ZZEF1: variants seen among roughly 807,000 people sequenced by gnomAD.
The protein encoded by ZZEF1 is zinc finger ZZ-type and EF-hand domain-containing protein 1.
In ZZEF1, 157 loss-of-function variants were observed where a neutral mutation model predicts 342.8. The ratio of observed to expected loss-of-function variants is 0.46; its 90% confidence interval spans 0.40 to 0.52. The LOEUF (loss-of-function observed/expected upper bound fraction) is 0.52, where lower values mean the gene tolerates loss of function less well. Among genes scored for constraint, ZZEF1 ranks in the 20% least tolerant of loss-of-function variants. The pLI is 0.00. For missense variants in ZZEF1, 3,480 were observed against 3,725.6 expected (o/e 0.93, Z 1.72); for synonymous variants, 1,505 against 1,429.1 (o/e 1.05, Z -1.20).
At chr17:4,032,308 G>C (rs773837550) in intron 41 of ZZEF1, 50 bp from the exon 42 acceptor site, 1 of 1,590,666 alleles carries the variant, frequency 6.3e-7, no homozygotes, top group Non-Finnish European at 8.5e-7. Context: ...ATGGAGACAA[G>C]AAAGAATTCT....
At position 4,123,893 on chromosome 17, in the gene ZZEF1, G is replaced by C. The variant is rs544659976; in HGVS notation, c.499+14C>G. On this transcript the variant is annotated intron_variant, in intron 2 of 54. Transcript: ENST00000381638. ...CACTTTGGTTCTAAGACAGCACCTA[G>C]ATGGAAGCCTCACCTGGAACCAGAG... 5 of 1,611,072 alleles carry C rather than the reference G, an allele frequency of 3.1e-6. No individual in the cohort carries two copies. The South Asian group carries it at 5.5e-5, about 18-fold the overall frequency.
intron 9 of ZZEF1, 78 bp from the exon 10 acceptor site, chr17:4,096,778 C>T: frequency 8.5e-7 from 1 of 1,180,740 alleles, no homozygotes; most frequent in Non-Finnish European, 1.3e-6. Flanking sequence ...AAAAACAAAC[C>T]ATATCCTTTG....
chr17:4,048,996 G>A (rs949764575), intron 37 of ZZEF1, among the ~76,000 whole-genome samples: 1 of 151,806 alleles, frequency 6.6e-6, no homozygotes, highest in Admixed American at 6.6e-5. Context: ...GGGATTACAG[G>A]CCACTGTGCC....
rs147535098 is a variant in ZZEF1, at chr17:4,034,700, G to A, written c.6307-408C>T. Among the ~76,000 whole-genome samples, 466 of 152,254 alleles carry A rather than the reference G, an allele frequency of 3.1e-3. 2 individuals carry two copies. Among genetic ancestry groups the A allele is most frequent in the African/African-American group, 0.01 (428 of 41,532 alleles). ...TTTCTATGCATATTTATTTACACAT[G>A]ATATATGTAAAATAGGCCAGGCATA... On this transcript the variant is annotated intron_variant, in intron 39 of 54. Coordinates refer to ENST00000381638, the MANE Select transcript of ZZEF1 (RefSeq NM_015113.4).
At chr17:4,084,156 A>G (rs1567826178) in intron 16 of ZZEF1, among the ~76,000 whole-genome samples, 4 of 152,120 alleles carry the variant, frequency 2.6e-5, no homozygotes, top group Non-Finnish European at 1.5e-5. Flanking sequence ...CATCAAATAC[A>G]TTGCTTATTG....
At chr17:4,109,205 G>A (rs1172909455) in intron 6 of ZZEF1, among the ~76,000 whole-genome samples, 1 of 152,182 alleles carries the variant, frequency 6.6e-6, no homozygotes, top group Non-Finnish European at 1.5e-5. Flanking sequence ...CACAACATCT[G>A]CGTCTATAAA....
At chr17:4,123,868 C>A in intron 2 of ZZEF1, 39 bp downstream of exon 2, 1 of 1,598,152 alleles carries the variant, frequency 6.3e-7, no homozygotes, top group South Asian at 1.1e-5. Flanking sequence ...TAGCAAAGTT[C>A]ACTTTGGTTC....
intron 5 of ZZEF1, among the ~76,000 whole-genome samples, chr17:4,111,350 T>A (rs571642903): frequency 1.3e-5 from 2 of 152,198 alleles, no homozygotes; most frequent in South Asian, 4.1e-4. Context: ...TTTTCCAATA[T>A]GAAAATGTGA....
At chr17:4,122,363 A>T (rs2058497114) in intron 2 of ZZEF1, among the ~76,000 whole-genome samples, 1 of 151,444 alleles carries the variant, frequency 6.6e-6, no homozygotes, top group African/African-American at 2.4e-5. Context: ...AAATACAAAA[A>T]CACAGGCCAT....
At chr17:4,065,090 G>A (rs1314561892) in intron 28 of ZZEF1, among the ~76,000 whole-genome samples, 1 of 152,114 alleles carries the variant, frequency 6.6e-6, no homozygotes, top group Non-Finnish European at 1.5e-5. Context: ...ACAATTTAGG[G>A]CAAGAGACAG....
At chr17:4,115,374 A>G (rs2058378068) in intron 3 of ZZEF1, among the ~76,000 whole-genome samples, 1 of 152,154 alleles carries the variant, frequency 6.6e-6, no homozygotes, top group Non-Finnish European at 1.5e-5. Flanking sequence ...TTAAAAATTA[A>G]GAAACTGGCC....
chr17:4,113,785 C>T (rs12453798), intron 4 of ZZEF1, among the ~76,000 whole-genome samples: 25,375 of 151,840 alleles, frequency 0.17, 2,175 homozygotes, highest in East Asian at 0.18. Context: ...GCCTGGGCAA[C>T]GTAGTGAGGC....
At chr17:4,123,848 A>G (rs797001948) in intron 2 of ZZEF1, 59 bp downstream of exon 2, 21 of 1,557,152 alleles carry the variant, frequency 1.3e-5, no homozygotes, top group African/African-American at 1.2e-4. Flanking sequence ...CCTAATTTCA[A>G]TCAGTAGTAT....
At position 4,076,637 on chromosome 17, in the gene ZZEF1, C is replaced by T. The variant is rs1195927038; in HGVS notation, c.3234G>A (p.Lys1078=). 6.2e-7 allele frequency: 1 copy of T among 1,607,258 alleles called. No homozygotes were observed. ...LCSGPEGGLR[K]LDVETWQQEQ... is the part of the protein sequence containing the mutation. Reference sequence around the variant, plus strand: ...CGGCTCAAGTGCTGACTCGAGTTACCTTCCTCAGTCCTCCTTCGGGGCCAC... The same window carrying T: ...CGGCTCAAGTGCTGACTCGAGTTACTTTCCTCAGTCCTCCTTCGGGGCCAC... The change falls in exon 21 of 55, where the codon AAG becomes AAA. Residue 1078 remains lysine (K), a splice_region_variant and synonymous_variant. Coordinates refer to ENST00000381638, the MANE Select transcript of ZZEF1 (RefSeq NM_015113.4).
rs1423214527 is a variant in ZZEF1, at chr17:4,087,365, C to T, written c.2342+69G>A. The T allele has an allele frequency of 5.4e-6, 7 of 1,290,854 alleles. No individual in the cohort carries two copies. In the African/African-American group the frequency reaches 9.1e-5, roughly 17 times the overall value. 80.0% of individuals were successfully genotyped at this position (1,290,854 alleles called of 1,614,324 possible). Reference sequence around the variant, plus strand: ...TAAAAAAAAAATTAGGAAAAAAATCCACTTAGAATAGTAAAACTCATTGTT... The same window carrying T: ...TAAAAAAAAAATTAGGAAAAAAATCTACTTAGAATAGTAAAACTCATTGTT... On this transcript the variant is annotated intron_variant, in intron 14 of 54. Transcript: ENST00000381638.
intron 29 of ZZEF1, among the ~76,000 whole-genome samples, chr17:4,063,388 T>A (rs893421730): frequency 1.2e-4 from 19 of 152,148 alleles, no homozygotes; most frequent in Non-Finnish European, 1.5e-5. Flanking sequence ...CCAGCCTGGG[T>A]AACATAGGGC....
chr17:4,093,846 T>C (rs867293072), intron 11 of ZZEF1, among the ~76,000 whole-genome samples: 8 of 152,114 alleles, frequency 5.3e-5, no homozygotes, highest in East Asian at 1.9e-4. Flanking sequence ...CTAGTAGCAA[T>C]AGGGGAGGTA....
rs2058531041 is a variant in ZZEF1, at chr17:4,123,890, C to T, written c.499+17G>A. The stretch of plus-strand genomic sequence containing the variant: ...GTTCACTTTGGTTCTAAGACAGCAC[C>T]TAGATGGAAGCCTCACCTGGAACCA... On this transcript the variant is annotated intron_variant, in intron 2 of 54. Coordinates refer to ENST00000381638, the MANE Select transcript of ZZEF1 (RefSeq NM_015113.4). 6.2e-7 allele frequency: 1 copy of T among 1,610,248 alleles called. No individual in the cohort carries two copies. Among genetic ancestry groups the T allele is most frequent in the Non-Finnish European group, 8.5e-7 (1 of 1,178,682 alleles).
intron 40 of ZZEF1, 144 bp from the exon 41 acceptor site, chr17:4,033,146 G>A (rs941457570): frequency 5.2e-5 from 39 of 744,466 alleles, no homozygotes; most frequent in African/African-American, 3.3e-4. Flanking sequence ...AATGCTTTTC[G>A]TATAATGGTG....
Sources: allele counts gnomAD v4.1 joint callset (sites outside exome capture counted in the v4.1 genomes callset), GRCh38; gene constraint gnomAD v4.1.1; transcripts MANE v1.5; gene names NCBI Gene and HGNC (gene_info 2026-07-23, HGNC 2026-07-21).